Variants in CHRNA6 observed in about 807,000 individuals in gnomAD.
CHRNA6 encodes the protein neuronal acetylcholine receptor subunit alpha-6.
Under a neutral mutation model 40.9 loss-of-function variants are expected in CHRNA6, and 31 were observed. The observed-to-expected ratio is 0.76, with a 90% CI of 0.57 to 1.02. The LOEUF (loss-of-function observed/expected upper bound fraction) is 1.02, where lower values mean the gene tolerates loss of function less well. Among genes scored for constraint, CHRNA6 ranks in the 50% least tolerant of loss-of-function variants. The pLI is 0.00. For synonymous variants in CHRNA6, 222 were observed against 221.3 expected (o/e 1.00, Z -0.03); for missense variants, 546 against 596.6 (o/e 0.92, Z 0.88).
At position 42,756,143 on chromosome 8, in the gene CHRNA6, G is replaced by C. The variant is rs577047625; in HGVS notation, c.1056C>G (p.Val352=). ...KTVFLKLLPQ[V]LLMRWPLDKT... The stretch of plus-strand genomic sequence containing the variant: ...TGTCCAGAGGCCACCTCATCAGCAG[G>C]ACCTGGGGCAGCAGCTTCAGGAAAA... Residue 352 remains valine (V), a synonymous_variant, in exon 5 of 6, where the codon GTC becomes GTG. Transcript: ENST00000276410. The C allele has an allele frequency of 6.2e-7, 1 of 1,614,278 alleles. No homozygotes were observed. Among genetic ancestry groups the C allele is most frequent in the South Asian group, 1.1e-5 (1 of 91,086 alleles).
intron 1 of CHRNA6, among the ~76,000 whole-genome samples, chr8:42,766,176 A>G (rs1816972869): frequency 6.6e-6 from 1 of 152,218 alleles, no homozygotes; most frequent in Admixed American, 6.5e-5. Context: ...CCAAATGCCC[A>G]TCAATGATAG....
At position 42,759,073 on chromosome 8, in the gene CHRNA6, C is replaced by T. The variant is rs750749188; in HGVS notation, c.260G>A (p.Arg87His). 9.9e-6 allele frequency: 16 copies of T among 1,612,762 alleles called. No individual in the cohort carries two copies. The highest frequency in any genetic ancestry group is 5.5e-5 in the South Asian group (5 of 91,048). The change falls in exon 3 of 6, where the codon CGT (arginine) becomes CAT (histidine). Residue 87 changes from arginine (R) to histidine (H), a missense_variant. Around this residue, in one of 3 missense-constraint regions of CHRNA6, gnomAD observed 476 missense variants for 494.5 expected, o/e 0.96. Transcript: ENST00000276410. ...NQIMETNLWLRHIWNDYKLRW... is the reference protein window; with the variant it reads ...NQIMETNLWLHHIWNDYKLRW... ...ACACATGATATAGGCACATACGTGA[C>T]GCAGCCACAAATTGGTTTCCATGAT...
At chr8:42,755,691 C>G (rs1024104749) in intron 5 of CHRNA6, among the ~76,000 whole-genome samples, 155 bp downstream of exon 5, 1 of 152,190 alleles carries the variant, frequency 6.6e-6, no homozygotes, top group Non-Finnish European at 1.5e-5. Flanking sequence ...CCTGTCAGTC[C>G]ACCCATAACC....
At chr8:42,766,559 TA>T (rs1305385972) in intron 1 of CHRNA6, among the ~76,000 whole-genome samples, 1 of 151,966 alleles carries the variant, frequency 6.6e-6, no homozygotes, top group African/African-American at 2.4e-5. Context: ...TATGCAACCA[TA>T]AAAATGAACA....
At position 42,753,122 on chromosome 8, in the gene CHRNA6, G is replaced by C; in HGVS notation, c.*57C>G. 1.3e-6 allele frequency: 2 copies of C among 1,490,892 alleles called. No individual in the cohort carries two copies. Among genetic ancestry groups the C allele is most frequent in the Non-Finnish European group, 1.8e-6 (2 of 1,102,858 alleles). The allele number at this position is 1,490,892 out of a possible 1,614,324, so 92.4% of individuals were successfully genotyped here. A position where few individuals can be genotyped will look rare whatever the true frequency, so the allele number is the denominator to read the frequency against. On this transcript the variant is annotated 3_prime_UTR_variant, in exon 6 of 6. Transcript: ENST00000276410. Reference sequence around the variant, plus strand: ...CCTTTGCTTTCCTTTCCTTGTGGCAGGGAATGCAGAACAAATATGGTGTCT... The same window carrying C: ...CCTTTGCTTTCCTTTCCTTGTGGCACGGAATGCAGAACAAATATGGTGTCT...
chr8:42,760,050 A>T (rs1816874421), intron 2 of CHRNA6, among the ~76,000 whole-genome samples: 1 of 152,358 alleles, frequency 6.6e-6, no homozygotes, highest in East Asian at 1.9e-4. Flanking sequence ...GAATACAGCA[A>T]TAAGAAGTTG....
rs201044590 is a variant in CHRNA6, at chr8:42,756,299, G to A, written c.900C>T (p.Val300=). 1.4e-5 allele frequency: 22 copies of A among 1,614,120 alleles called. No individual in the cohort carries two copies. The highest frequency in any genetic ancestry group is 1.7e-5 in the Non-Finnish European group (20 of 1,180,044). ...TETIPSTSLV[V]PLVGEYLLFT... is the part of the protein sequence containing the mutation. ...ACAGCAGGTACTCACCCACCAGTGG[G>A]ACCACCAGAGATGTGGATGGGATGG... Residue 300 remains valine (V), a synonymous_variant, in exon 5 of 6, where the codon GTC becomes GTT. Coordinates refer to ENST00000276410, the MANE Select transcript of CHRNA6 (RefSeq NM_004198.3).
chr8:42,762,304 TA>T (rs1816914662), intron 2 of CHRNA6, among the ~76,000 whole-genome samples: 2 of 152,236 alleles, frequency 1.3e-5, no homozygotes, highest in Admixed American at 1.3e-4. Context: ...TTATTTGTAA[TA>T]GACCAAAAAC....
intron 5 of CHRNA6, 32 bp from the exon 6 acceptor site, chr8:42,753,342 T>TA (rs1563622801): frequency 2.5e-6 from 4 of 1,587,172 alleles, no homozygotes; most frequent in Non-Finnish European, 3.4e-6. Context: ...AGAGCTGTTT[T>TA]AAAAAACCAA....
intron 2 of CHRNA6, 45 bp downstream of exon 2, chr8:42,765,020 A>G (rs1465606387): frequency 6.3e-7 from 1 of 1,590,426 alleles, no homozygotes; most frequent in Non-Finnish European, 8.6e-7. Context: ...ACCACCTGCA[A>G]AAGTGTAACA....
At chr8:42,753,404 A>G (rs1290928631) in intron 5 of CHRNA6, 94 bp from the exon 6 acceptor site, 1 of 1,225,912 alleles carries the variant, frequency 8.2e-7, no homozygotes, top group Non-Finnish European at 1.2e-6. Flanking sequence ...TTTTTTGAAG[A>G]AGATTTCTCC....
chr8:42,759,117 GGAA>G lies in CHRNA6; in HGVS notation c.220-7_220-5del. The G allele has an allele frequency of 1.2e-6, 2 of 1,611,940 alleles. No individual in the cohort carries two copies. Among genetic ancestry groups the G allele is most frequent in the Non-Finnish European group, 1.7e-6 (2 of 1,178,054 alleles). On this transcript the variant is annotated splice_region_variant and splice_polypyrimidine_tract_variant and intron_variant, in intron 2 of 5. Coordinates refer to ENST00000276410, the MANE Select transcript of CHRNA6 (RefSeq NM_004198.3). Reference sequence around the variant, plus strand: ...CCATGATCTGGTTTACTTCATCCTGGGAAGAAGAAATAATACTTTTAGCCTCAA... The same window carrying G: ...CCATGATCTGGTTTACTTCATCCTGGGAAGAAATAATACTTTTAGCCTCAA...
In CHRNA6 at chr8:42,766,874, C is replaced by T. The variant is rs1816983417; in HGVS notation, c.79+1478G>A. Among the ~76,000 whole-genome samples, 3 of 152,158 alleles carry T rather than the reference C, an allele frequency of 2.0e-5. No individual in the cohort carries two copies. In the South Asian group the frequency reaches 6.2e-4, roughly 32 times the overall value. The stretch of plus-strand genomic sequence containing the variant: ...AAAGCTGCACATCCTGCCCATGTAC[C>T]CCAGACTTAAAATAAAACAAAAATC... On this transcript the variant is annotated intron_variant, in intron 1 of 5. Coordinates refer to ENST00000276410, the MANE Select transcript of CHRNA6 (RefSeq NM_004198.3).
intron 5 of CHRNA6, among the ~76,000 whole-genome samples, chr8:42,754,943 C>T (rs917030155): frequency 6.6e-6 from 1 of 152,140 alleles, no homozygotes; most frequent in African/African-American, 2.4e-5. Flanking sequence ...TCTCCCAGCA[C>T]CCCCAGGCTG....
At chr8:42,754,092 G>C (rs1365048391) in intron 5 of CHRNA6, among the ~76,000 whole-genome samples, 2 of 152,092 alleles carry the variant, frequency 1.3e-5, no homozygotes, top group East Asian at 3.9e-4. Context: ...CCCAGTTCCT[G>C]ACCCTCCAGC....
At chr8:42,766,349 G>A (rs529458072) in intron 1 of CHRNA6, among the ~76,000 whole-genome samples, 33 of 152,160 alleles carry the variant, frequency 2.2e-4, no homozygotes, top group East Asian at 1.7e-3. Flanking sequence ...AAACTTAGTC[G>A]GGCATGGTGG....
Position 42,756,653 on chromosome 8 carries a change from G to A in CHRNA6, c.546C>T (p.Asp182=), listed in dbSNP as rs192724879. The change falls in exon 5 of 6, where the codon GAC becomes GAT. Residue 182 remains aspartate (D), a synonymous_variant. Transcript: ENST00000276410. The part of the protein sequence containing the change: ...CSLKFGSWTY[D]KAEIDLLIIG... ...TGATTAGAAGATCAATTTCAGCTTT[G>A]TCATACGTCCAGGAACCAAATTTTA... is the stretch of plus-strand genomic sequence containing the variant. The A allele has an allele frequency of 2.0e-5, 33 of 1,614,050 alleles. No homozygotes were observed. The highest frequency in any genetic ancestry group is 1.0e-4 in the Admixed American group (6 of 60,002).
At chr8:42,766,801 G>C (rs1339522371) in intron 1 of CHRNA6, among the ~76,000 whole-genome samples, 1 of 152,148 alleles carries the variant, frequency 6.6e-6, no homozygotes, top group Non-Finnish European at 1.5e-5. Context: ...TAATACCTAG[G>C]TGATGGGTTG....
chr8:42,754,922 C>T (rs1378548188), intron 5 of CHRNA6, among the ~76,000 whole-genome samples: 1 of 152,136 alleles, frequency 6.6e-6, no homozygotes, highest in Non-Finnish European at 1.5e-5. Context: ...GCACTCTCGC[C>T]CTCTCCCACA....
Sources: gnomAD v4.1 joint callset for allele counts (sites outside exome capture counted in the v4.1 genomes callset) on GRCh38, gnomAD v4.1.1 for gene constraint, gnomAD v4.1.1 regional missense constraint, MANE v1.5 for transcripts, NCBI Gene and HGNC (gene_info 2026-07-23, HGNC 2026-07-21) for gene names.